PXDN: variants seen among roughly 807,000 people sequenced by gnomAD.
PXDN encodes the protein peroxidasin homolog.
A neutral mutation model predicts 140.3 loss-of-function variants in PXDN; 77 were observed. The observed-to-expected ratio is 0.55, with a 90% CI of 0.46 to 0.66. PXDN has a LOEUF of 0.66. Among genes scored for constraint, PXDN ranks in the 30% least tolerant of loss-of-function variants. PXDN has a pLI of 0.00. For synonymous variants in PXDN, 911 were observed against 857.4 expected (o/e 1.06, Z -1.09); for missense variants, 1,838 against 2,039.5 (o/e 0.90, Z 1.90).
chr2:1,683,459 C>G (rs538403430), intron 6 of PXDN, among the ~76,000 whole-genome samples, 197 bp downstream of exon 6: 1 of 64,950 alleles, frequency 1.5e-5, no homozygotes, highest in South Asian at 5.7e-4. Context: ...AAAGGATTAA[C>G]TACTTGCCAC....
intron 1 of PXDN, among the ~76,000 whole-genome samples, chr2:1,698,397 C>T (rs1386133840): frequency 6.6e-6 from 1 of 152,050 alleles, no homozygotes. Context: ...AACTGTAGGG[C>T]AAGGTCACCC....
chr2:1,716,117 C>A (rs1019761049), intron 1 of PXDN, among the ~76,000 whole-genome samples: 13 of 152,126 alleles, frequency 8.5e-5, no homozygotes, highest in Non-Finnish European at 4.4e-5. Context: ...CTGGGCCTCT[C>A]TGAGCCTCAG....
chr2:1,656,062 C>G (rs1683126862), intron 14 of PXDN, among the ~76,000 whole-genome samples: 1 of 151,528 alleles, frequency 6.6e-6, no homozygotes, highest in African/African-American at 2.4e-5. Flanking sequence ...ACCACACATA[C>G]TCATCACACT....
chr2:1,636,018 T>G, intron 21 of PXDN: 1 of 251,704 alleles, frequency 4.0e-6, no homozygotes, highest in South Asian at 5.0e-5. Context: ...AAACCCTCTC[T>G]TGCATCTTGC....
At chr2:1,662,854 G>C (rs1311266190) in intron 12 of PXDN, among the ~76,000 whole-genome samples, 1 of 152,158 alleles carries the variant, frequency 6.6e-6, no homozygotes, top group Admixed American at 6.5e-5. Context: ...AGTGACGCAA[G>C]GAAATCCAGC....
intron 1 of PXDN, among the ~76,000 whole-genome samples, chr2:1,716,210 G>A (rs1258502624): frequency 6.6e-6 from 1 of 152,096 alleles, no homozygotes; most frequent in East Asian, 1.9e-4. Context: ...GGCTGAGGAG[G>A]GTGGATCACC....
chr2:1,732,970 A>C (rs1347697639), intron 1 of PXDN, among the ~76,000 whole-genome samples: 1 of 152,258 alleles, frequency 6.6e-6, no homozygotes, highest in African/African-American at 2.4e-5. Context: ...ATGTAGAATT[A>C]ACAGCAAATC....
chr2:1,683,952 C>A, intron 5 of PXDN, 128 bp downstream of exon 5: 2 of 1,035,540 alleles, frequency 1.9e-6, no homozygotes, highest in South Asian at 3.1e-5. Flanking sequence ...AATTGTTAGA[C>A]TAGAAATATG....
Position 1,680,080 on chromosome 2 carries a change from T to C in PXDN, c.730+113A>G, listed in dbSNP as rs115400057. On this transcript the variant is annotated intron_variant, in intron 7 of 22. Coordinates refer to ENST00000252804, the MANE Select transcript of PXDN (RefSeq NM_012293.3). ...CGTGTGTCTATAAATGGTGTGTGTG[T>C]AAATGTGTGTGTGTGGTGTGTGGAT... The C allele has an allele frequency of 2.3e-3, 3,014 of 1,315,898 alleles. 52 individuals are homozygous for C. In the African/African-American group the frequency reaches 0.04, roughly 18 times the overall value. The allele number at this position is 1,315,898 out of a possible 1,614,324, so 81.5% of individuals were successfully genotyped here. A position where few individuals can be genotyped will look rare whatever the true frequency, so the allele number is the denominator to read the frequency against.
intron 1 of PXDN, among the ~76,000 whole-genome samples, chr2:1,700,981 G>A (rs1048663164): frequency 9.2e-5 from 14 of 152,250 alleles, no homozygotes; most frequent in African/African-American, 2.4e-4. Flanking sequence ...AATTATAACC[G>A]ATGCCACACG....
intron 1 of PXDN, among the ~76,000 whole-genome samples, chr2:1,707,304 G>T (rs201353103): frequency 2.0e-4 from 2 of 9,796 alleles, no homozygotes; most frequent in African/African-American, 8.2e-4. Flanking sequence ...GCACGCTTCA[G>T]TGTTCAGCGA....
intron 1 of PXDN, among the ~76,000 whole-genome samples, chr2:1,723,294 T>G (rs1685096411): frequency 6.6e-6 from 1 of 152,124 alleles, no homozygotes; most frequent in Non-Finnish European, 1.5e-5. Context: ...AATGAATGAA[T>G]GCATTAATGG....
At chr2:1,711,596 CCA>C (rs1361709640) in intron 1 of PXDN, among the ~76,000 whole-genome samples, 9 of 60,678 alleles carry the variant, frequency 1.5e-4, no homozygotes, top group South Asian at 1.2e-3. Context: ...CCACCAGCAC[CCA>C]CTCTCCACCA....
Position 1,687,055 on chromosome 2 carries a change from T to G in PXDN, c.416+577A>C, listed in dbSNP as rs927304555. ...TGTAATGAAAAATCAACACGCTGAC[T>G]TCACAGCAAAGTACGACTTCACGTT... On this transcript the variant is annotated intron_variant, in intron 4 of 22. Coordinates refer to ENST00000252804, the MANE Select transcript of PXDN (RefSeq NM_012293.3). This position sits in a 1 kb window ranked among gnomAD's most constrained non-coding sequence, Gnocchi z 4.0. Among the ~76,000 whole-genome samples, 1 of 152,212 alleles carries G rather than the reference T, an allele frequency of 6.6e-6. No individual in the cohort carries two copies. The highest frequency in any genetic ancestry group is 2.4e-5 in the African/African-American group (1 of 41,448).
intron 14 of PXDN, among the ~76,000 whole-genome samples, chr2:1,659,011 A>G (rs1257556820): frequency 1.3e-5 from 2 of 152,162 alleles, no homozygotes; most frequent in Non-Finnish European, 2.9e-5. Flanking sequence ...AACTCCATGG[A>G]GCCGAGTGCC....
At chr2:1,682,516 C>A (rs1683930584) in intron 6 of PXDN, among the ~76,000 whole-genome samples, 1 of 152,098 alleles carries the variant, frequency 6.6e-6, no homozygotes. Flanking sequence ...AATATCTAAC[C>A]GAAACTAACG....
chr2:1,723,429 AATAG>A (rs1382245010), intron 1 of PXDN, among the ~76,000 whole-genome samples: 5 of 151,792 alleles, frequency 3.3e-5, no homozygotes, highest in East Asian at 2.0e-4. Context: ...TGACTGGATA[AATAG>A]ATGGATGAGT....
In PXDN at chr2:1,660,515, ACCATATTTG is replaced by A. The variant is rs1215103553; in HGVS notation, c.1837+357_1837+365del. Among the ~76,000 whole-genome samples, 1 of 152,236 alleles carries A rather than the reference ACCATATTTG, an allele frequency of 6.6e-6. No individual in the cohort carries two copies. The highest frequency in any genetic ancestry group is 1.5e-5 in the Non-Finnish European group (1 of 68,042). On this transcript the variant is annotated intron_variant, in intron 14 of 22. Transcript: ENST00000252804. The surrounding 1 kb of genome is among the most constrained non-coding windows in gnomAD (Gnocchi z 4.6). ...TAAGGAATCAGAATCTCTTCAAGCA[ACCATATTTG>A]CCAAATTGTAACTGTAAATTACACC...
intron 1 of PXDN, among the ~76,000 whole-genome samples, chr2:1,702,631 GGTTTT>G (rs1684462825): frequency 1.3e-5 from 2 of 151,996 alleles, no homozygotes; most frequent in Admixed American, 1.3e-4. Context: ...GTTTTCTTTT[GGTTTT>G]GTTTTGTTTT....
Sources: allele counts gnomAD v4.1 joint callset (sites outside exome capture counted in the v4.1 genomes callset), GRCh38; gene constraint gnomAD v4.1.1; non-coding constraint Gnocchi (gnomAD v3.1); transcripts MANE v1.5; gene names NCBI Gene and HGNC (gene_info 2026-07-23, HGNC 2026-07-21).